Variants in TENM2 observed in about 807,000 individuals in gnomAD.
The protein encoded by TENM2 is teneurin-2.
In TENM2, 52 loss-of-function variants were observed where a neutral mutation model predicts 245.2. That is an observed-to-expected ratio of 0.21 (90% CI 0.17 to 0.27). TENM2 has a LOEUF of 0.27. TENM2 is among the 10% of genes least tolerant of loss of function. The pLI is 1.00. For missense variants in TENM2, 3,046 were observed against 3,666.8 expected, an observed-to-expected ratio of 0.83 and a Z score of 4.37; for synonymous variants, 1,363 against 1,438.9, an observed-to-expected ratio of 0.95 and a Z score of 1.19.
At chr5:167,007,123 A>G in the TENM2 span, among the ~76,000 whole-genome samples, 1 of 152,216 alleles carries the variant, frequency 6.6e-6, no homozygotes, top group African/African-American at 2.4e-5. The surrounding 1 kb of genome is among the most constrained non-coding windows in gnomAD (Gnocchi z 4.2). Context: ...TTCTAATTTT[A>G]TAAATAATGG....
At chr5:167,796,439 A>G (rs187999082) in intron 2 of TENM2, among the ~76,000 whole-genome samples, 1 of 151,986 alleles carries the variant, frequency 6.6e-6, no homozygotes, top group African/African-American at 2.4e-5. Flanking sequence ...CATATTGCTT[A>G]CTCTTCCTTG....
rs908029428 is a variant in TENM2, at chr5:167,951,042, C to G, written c.713-1546C>G. Among the ~76,000 whole-genome samples the G allele has an allele frequency of 2.2e-4, 34 of 152,194 alleles. 1 individual carries two copies. The highest frequency in any genetic ancestry group is 8.8e-5 in the Non-Finnish European group (6 of 68,024). On this transcript the variant is annotated intron_variant, in intron 3 of 28. Transcript: ENST00000518659. ...ATGCGAACTTCAAGGAACCTGTTTC[C>G]TCCACATTTTTCCTTCTTGTTTTTG...
intron 2 of TENM2, among the ~76,000 whole-genome samples, chr5:167,687,133 C>A (rs555640626): frequency 6.6e-6 from 1 of 152,126 alleles, no homozygotes; most frequent in Non-Finnish European, 1.5e-5. Flanking sequence ...GATGTGTTCT[C>A]CGGTTACCTC....
At chr5:168,061,830 A>G (rs1790062415) in intron 6 of TENM2, among the ~76,000 whole-genome samples, 1 of 152,188 alleles carries the variant, frequency 6.6e-6, no homozygotes, top group Non-Finnish European at 1.5e-5. Context: ...GTAATAACAT[A>G]ATTTTAGAAA....
chr5:167,863,771 G>A (rs576713418), intron 2 of TENM2, among the ~76,000 whole-genome samples: 1 of 152,258 alleles, frequency 6.6e-6, no homozygotes, highest in East Asian at 1.9e-4. Context: ...TAGCAGCTAG[G>A]TAGCCACAAT....
chr5:167,451,899 T>C (rs527627590), intron 2 of TENM2, among the ~76,000 whole-genome samples: 1 of 152,230 alleles, frequency 6.6e-6, no homozygotes, highest in Admixed American at 6.5e-5. Flanking sequence ...TCCACCCTCC[T>C]CGGCCTCCCA....
At chr5:167,343,483 T>G (rs150266130) in intron 1 of TENM2, among the ~76,000 whole-genome samples, 11 of 152,326 alleles carry the variant, frequency 7.2e-5, no homozygotes, top group African/African-American at 2.6e-4. Flanking sequence ...TATTCCCATT[T>G]ATGCTCCATA....
chr5:167,190,947 A>T, the TENM2 span, among the ~76,000 whole-genome samples: 1 of 152,076 alleles, frequency 6.6e-6, no homozygotes, highest in Admixed American at 6.6e-5. Context: ...CATGTGTTTA[A>T]ATGACCTTTG....
intron 2 of TENM2, among the ~76,000 whole-genome samples, chr5:167,577,844 T>A (rs763889572): frequency 3.3e-5 from 5 of 152,200 alleles, no homozygotes; most frequent in Non-Finnish European, 7.3e-5. Context: ...ATGCAAAATA[T>A]GCGCCAAACA....
chr5:168,253,295 G>C (rs969595151), intron 27 of TENM2, among the ~76,000 whole-genome samples: 1 of 151,824 alleles, frequency 6.6e-6, no homozygotes, highest in Non-Finnish European at 1.5e-5. Context: ...CAGCAAAATA[G>C]TAATGATAAT....
chr5:168,094,960 G>C (rs1007554718), intron 8 of TENM2, among the ~76,000 whole-genome samples: 5 of 151,802 alleles, frequency 3.3e-5, no homozygotes, highest in Admixed American at 2.6e-4. Context: ...GATCTAGGTT[G>C]TATGCTCCTT....
chr5:168,247,775 A>C lies in TENM2; in HGVS notation c.6836A>C (p.Glu2279Ala). 2 of 1,613,964 alleles carry C rather than the reference A, an allele frequency of 1.2e-6. No homozygotes were observed. The highest frequency in any genetic ancestry group is 1.7e-6 in the Non-Finnish European group (2 of 1,179,890). The change falls in exon 27 of 29, where the codon GAA becomes GCA. Residue 2279 changes from glutamate (E) to alanine (A), a missense_variant. Glu to Ala is a moderately radical substitution (Grantham distance 107). This residue lies in a region of TENM2 where 2,704 missense variants were observed against 3,331.9 expected (regional missense o/e 0.81). Transcript: ENST00000518659. The surrounding 1 kb of genome is among the most constrained non-coding windows in gnomAD (Gnocchi z 7.8). ...TGCCAGAGAGGGTCTGACATCTTCG[A>C]ATACAATTCCAAGGGCCTCCTAACA...
At chr5:167,647,484 G>A (rs1338973121) in intron 2 of TENM2, among the ~76,000 whole-genome samples, 2 of 151,974 alleles carry the variant, frequency 1.3e-5, no homozygotes, top group East Asian at 1.9e-4. Context: ...TTAGCCGGGC[G>A]TGGTGGTGAG....
chr5:167,782,415 A>C (rs1233721968), intron 2 of TENM2, among the ~76,000 whole-genome samples: 2 of 152,078 alleles, frequency 1.3e-5, no homozygotes, highest in East Asian at 3.9e-4. Flanking sequence ...TTGGCCTCTA[A>C]AGCAAATCCT....
chr5:167,856,789 A>G (rs1771137248), intron 2 of TENM2, among the ~76,000 whole-genome samples: 1 of 152,262 alleles, frequency 6.6e-6, no homozygotes, highest in African/African-American at 2.4e-5. Context: ...ACTGAATGCC[A>G]AAACATTGTC....
intron 2 of TENM2, among the ~76,000 whole-genome samples, chr5:167,845,267 ACACACACAC>A (rs1769939424): frequency 1.5e-5 from 2 of 130,300 alleles, no homozygotes; most frequent in African/African-American, 3.3e-5. Context: ...ACACACACAC[ACACACACAC>A]ACACAACACG....
At chr5:168,253,549 C>CA (rs1447395952) in intron 27 of TENM2, among the ~76,000 whole-genome samples, 1 of 151,800 alleles carries the variant, frequency 6.6e-6, no homozygotes, top group Admixed American at 6.6e-5. Flanking sequence ...CCTCAGCCCG[C>CA]GGAGTAGCTG....
chr5:168,137,839 T>G (rs1755189500), intron 12 of TENM2, among the ~76,000 whole-genome samples: 1 of 152,166 alleles, frequency 6.6e-6, no homozygotes, highest in African/African-American at 2.4e-5. Context: ...ACTTTTTGCT[T>G]CCATTTAATG....
intron 2 of TENM2, among the ~76,000 whole-genome samples, chr5:167,653,048 C>T (rs1582658933): frequency 6.6e-6 from 1 of 151,750 alleles, no homozygotes; most frequent in East Asian, 1.9e-4. Flanking sequence ...TTATTTTTTT[C>T]AGCAAAAAAT....
Sources: allele counts gnomAD v4.1 joint callset (sites outside exome capture counted in the v4.1 genomes callset), GRCh38; gene constraint gnomAD v4.1.1; regional missense constraint gnomAD v4.1.1; non-coding constraint Gnocchi (gnomAD v3.1); transcripts MANE v1.5; gene names NCBI Gene and HGNC (gene_info 2026-07-23, HGNC 2026-07-21).